Variants in PKP4 observed in about 807,000 individuals in gnomAD.
The protein encoded by PKP4 is plakophilin 4, also known as plakophilin-4.
Under a neutral mutation model 145.1 loss-of-function variants are expected in PKP4, and 90 were observed. The ratio of observed to expected loss-of-function variants is 0.62; its 90% CI spans 0.52 to 0.74. The LOEUF is 0.74. Ranked by LOEUF, PKP4 falls within the 30% of genes least tolerant of loss-of-function variation. The pLI is 0.00. For synonymous variants in PKP4, 563 were observed against 577.2 expected, an observed-to-expected ratio of 0.98 and a Z score of 0.35; for missense variants, 1,340 against 1,482.7, an observed-to-expected ratio of 0.90 and a Z score of 1.58.
At chr2:158,543,903 G>GT (rs1229663477) in intron 2 of PKP4, among the ~76,000 whole-genome samples, 11 of 152,122 alleles carry the variant, frequency 7.2e-5, no homozygotes, top group Non-Finnish European at 1.5e-4. Context: ...CACTTACTAT[G>GT]GGTATCACTG....
rs548763740 is a variant in PKP4, at chr2:158,628,067, G to A, written c.1153+2640G>A. Reference sequence around the variant, plus strand: ...ACGCTCTCGGCTCACTGCAACTTCCGCCTCCCGGGTTCAAGCGATTCTTCT... The same window carrying A: ...ACGCTCTCGGCTCACTGCAACTTCCACCTCCCGGGTTCAAGCGATTCTTCT... On this transcript the variant is annotated intron_variant, in intron 7 of 21. Coordinates refer to ENST00000389759, the MANE Select transcript of PKP4 (RefSeq NM_003628.6). 2.4e-4 allele frequency among the ~76,000 whole-genome samples: 37 copies of A among 151,692 alleles called. No individual in the cohort carries two copies. In the South Asian group the frequency reaches 6.9e-3, roughly 28 times the overall value.
chr2:158,609,018 T>C (rs374168271), intron 4 of PKP4, among the ~76,000 whole-genome samples: 2 of 151,802 alleles, frequency 1.3e-5, no homozygotes, highest in African/African-American at 4.8e-5. Context: ...GGTTTTGACA[T>C]ATTGGCCAGG....
chr2:158,565,435 C>CTTTTTTTTTTTTTTTTT (rs10690465), intron 2 of PKP4, among the ~76,000 whole-genome samples: 3 of 135,766 alleles, frequency 2.2e-5, no homozygotes, highest in African/African-American at 5.5e-5. Flanking sequence ...TTCTTTTTTC[C>CTTTTTTTTTTTTTTTTT]TTTTTTTTTT....
intron 20 of PKP4, among the ~76,000 whole-genome samples, chr2:158,677,620 G>A (rs1301638077): frequency 6.6e-6 from 1 of 152,182 alleles, no homozygotes; most frequent in African/African-American, 2.4e-5. Flanking sequence ...AAAAGCTGGT[G>A]GCAGCTTTAC....
chr2:158,677,284 A>G, intron 20 of PKP4: 1 of 243,180 alleles, frequency 4.1e-6, no homozygotes, highest in Non-Finnish European at 8.3e-6. Context: ...AATTCAAACC[A>G]GAGAATGGAG....
At chr2:158,461,426 CAT>C (rs1689751388) in intron 1 of PKP4, among the ~76,000 whole-genome samples, 1 of 152,056 alleles carries the variant, frequency 6.6e-6, no homozygotes, top group Non-Finnish European at 1.5e-5. Context: ...TATTATGACT[CAT>C]ATATAATGAT....
chr2:158,484,552 T>G (rs1693888948), intron 1 of PKP4, among the ~76,000 whole-genome samples: 1 of 152,224 alleles, frequency 6.6e-6, no homozygotes, highest in South Asian at 2.1e-4. Context: ...TTGCATACTC[T>G]GAACTTTTAA....
intron 2 of PKP4, chr2:158,533,610 T>C (rs2043776850): frequency 4.4e-6 from 2 of 455,334 alleles, no homozygotes; most frequent in Non-Finnish European, 8.7e-6. Context: ...CGCAAAGCTG[T>C]GTAAAGCATA....
chr2:158,610,231 C>T (rs1366309314), intron 4 of PKP4, among the ~76,000 whole-genome samples: 5 of 151,954 alleles, frequency 3.3e-5, no homozygotes, highest in Admixed American at 2.6e-4. Context: ...GAAACATTTC[C>T]GAGGGAATGT....
chr2:158,520,861 GCTT>G (rs1167261293), intron 1 of PKP4, among the ~76,000 whole-genome samples: 1 of 152,104 alleles, frequency 6.6e-6, no homozygotes. Context: ...TTTGCACCTT[GCTT>G]CTTTTATTCA....
intron 1 of PKP4, among the ~76,000 whole-genome samples, chr2:158,474,758 C>T (rs1221246786): frequency 6.6e-6 from 1 of 152,116 alleles, no homozygotes; most frequent in Non-Finnish European, 1.5e-5. Context: ...TGCTGCTCCC[C>T]TCCCCAGCCC....
At chr2:158,617,746 G>A (rs985597197) in intron 4 of PKP4, among the ~76,000 whole-genome samples, 4 of 152,150 alleles carry the variant, frequency 2.6e-5, no homozygotes, top group Non-Finnish European at 4.4e-5. Flanking sequence ...TAGATAATTT[G>A]TGGATCACAA....
intron 2 of PKP4, among the ~76,000 whole-genome samples, chr2:158,541,066 C>A (rs1033476917): frequency 6.6e-6 from 1 of 152,110 alleles, no homozygotes; most frequent in Non-Finnish European, 1.5e-5. Flanking sequence ...GATTATTCAG[C>A]ATTGAATTCT....
intron 2 of PKP4, among the ~76,000 whole-genome samples, chr2:158,568,199 G>A (rs549770199): frequency 1.3e-5 from 2 of 152,258 alleles, no homozygotes; most frequent in African/African-American, 4.8e-5. Flanking sequence ...ATAGCTGGGT[G>A]TGGTGGCACA....
At position 158,641,236 on chromosome 2, in the gene PKP4, G is replaced by A. The variant is rs187141783; in HGVS notation, c.1695+477G>A. Among the ~76,000 whole-genome samples the A allele has an allele frequency of 4.5e-3, 683 of 152,090 alleles. 5 individuals carry two copies. Among genetic ancestry groups the A allele is most frequent in the African/African-American group, 0.016 (648 of 41,490 alleles). On this transcript the variant is annotated intron_variant, in intron 10 of 21. Coordinates refer to ENST00000389759, the MANE Select transcript of PKP4 (RefSeq NM_003628.6). ...GCCTGTAATCCCCGCTACTCAGAAG[G>A]CTGAGGCGGGAGAATCACTTGAACC...
chr2:158,632,086 C>A, intron 8 of PKP4, 145 bp downstream of exon 8: 1 of 664,122 alleles, frequency 1.5e-6, no homozygotes, highest in Non-Finnish European at 2.6e-6. Context: ...GATCAATAAG[C>A]AATAAAACAG....
At chr2:158,577,809 C>G (rs182555920) in intron 3 of PKP4, among the ~76,000 whole-genome samples, 293 of 152,168 alleles carry the variant, frequency 1.9e-3, no homozygotes, top group Admixed American at 4.1e-3. Flanking sequence ...TTCTAGAACT[C>G]TATGAATCTA....
intron 1 of PKP4, among the ~76,000 whole-genome samples, chr2:158,487,962 A>G (rs1694409399): frequency 1.3e-5 from 2 of 152,226 alleles, no homozygotes; most frequent in Non-Finnish European, 2.9e-5. Flanking sequence ...ATCATAAATG[A>G]AAATATTGAT....
intron 3 of PKP4, among the ~76,000 whole-genome samples, chr2:158,602,063 G>T (rs954924015): frequency 2.0e-5 from 3 of 152,054 alleles, no homozygotes; most frequent in Admixed American, 2.0e-4. Flanking sequence ...TGATTAAAAA[G>T]AAAAACATGT....
Sources: gnomAD v4.1 joint callset for allele counts (sites outside exome capture counted in the v4.1 genomes callset) on GRCh38, gnomAD v4.1.1 for gene constraint, MANE v1.5 for transcripts, NCBI Gene and HGNC (gene_info 2026-07-23, HGNC 2026-07-21) for gene names.